Variants in ARIH1 observed in about 807,000 individuals in gnomAD.
ARIH1 encodes ariadne RBR E3 ubiquitin protein ligase 1.
In ARIH1, 8 loss-of-function variants were observed where a neutral mutation model predicts 85.0. The observed-to-expected ratio is 0.09, with a 90% CI of 0.06 to 0.17. The LOEUF is 0.17. Among genes scored for constraint, ARIH1 ranks in the 10% least tolerant of loss-of-function variants. The pLI, the probability that ARIH1 is intolerant of heterozygous loss-of-function variation, is 1.00. For missense variants in ARIH1, 311 were observed against 718.1 expected, an observed-to-expected ratio of 0.43 and a Z score of 6.48; for synonymous variants, 238 against 253.6, an observed-to-expected ratio of 0.94 and a Z score of 0.59.
At chr15:72,553,096 A>T (rs1218139134) in intron 3 of ARIH1, among the ~76,000 whole-genome samples, 1 of 152,166 alleles carries the variant, frequency 6.6e-6, no homozygotes, top group African/African-American at 2.4e-5. Flanking sequence ...ATTTTTCAAC[A>T]TAAACTCTGA....
chr15:72,518,464 A>G (rs1445175520), intron 2 of ARIH1, among the ~76,000 whole-genome samples: 1 of 152,140 alleles, frequency 6.6e-6, no homozygotes, highest in Non-Finnish European at 1.5e-5. Flanking sequence ...CTTGGAGTAC[A>G]TGAGTAAGAT....
chr15:72,566,513 C>G (rs371604970), intron 7 of ARIH1, 50 bp from the exon 8 acceptor site: 7 of 1,465,086 alleles, frequency 4.8e-6, no homozygotes, highest in Non-Finnish European at 5.7e-6. Context: ...TATTTACTTG[C>G]TTACAGTAGG....
chr15:72,578,355 T>A (rs1397066753), intron 11 of ARIH1, among the ~76,000 whole-genome samples: 3 of 152,180 alleles, frequency 2.0e-5, no homozygotes, highest in Admixed American at 2.0e-4. Flanking sequence ...TTCCATGATG[T>A]TCTGTGGGGG....
At chr15:72,478,680 T>A (rs1267064501) in intron 1 of ARIH1, among the ~76,000 whole-genome samples, 8 of 152,200 alleles carry the variant, frequency 5.3e-5, no homozygotes, top group Admixed American at 3.9e-4. Context: ...TAATGAAGTC[T>A]GAGGTGAAAC....
At chr15:72,488,838 A>G (rs773086680) in intron 1 of ARIH1, among the ~76,000 whole-genome samples, 4 of 152,236 alleles carry the variant, frequency 2.6e-5, no homozygotes, top group Non-Finnish European at 5.9e-5. Context: ...TTGAATTCCA[A>G]GAGGACAAGC....
chr15:72,488,332 C>G (rs1425750195), intron 1 of ARIH1, among the ~76,000 whole-genome samples: 1 of 152,186 alleles, frequency 6.6e-6, no homozygotes, highest in Non-Finnish European at 1.5e-5. Flanking sequence ...CCACCTCAGC[C>G]TCCCAAAGTG....
At chr15:72,510,516 G>C (rs1263322055) in intron 1 of ARIH1, among the ~76,000 whole-genome samples, 2 of 151,608 alleles carry the variant, frequency 1.3e-5, no homozygotes, top group Admixed American at 6.6e-5. Flanking sequence ...AGGCCGAGGC[G>C]GGTGGATCAC....
chr15:72,577,759 G>T (rs933933548), intron 11 of ARIH1, among the ~76,000 whole-genome samples: 1 of 152,078 alleles, frequency 6.6e-6, no homozygotes, highest in Non-Finnish European at 1.5e-5. Context: ...ATACAGGAGG[G>T]CTTGGTTTTG....
At chr15:72,571,162 T>C (rs1342048465) in intron 10 of ARIH1, among the ~76,000 whole-genome samples, 1 of 126,708 alleles carries the variant, frequency 7.9e-6, no homozygotes, top group African/African-American at 2.9e-5. Flanking sequence ...AAAAAAAGAA[T>C]CTTACACAGC....
intron 2 of ARIH1, among the ~76,000 whole-genome samples, chr15:72,525,449 A>C (rs1251206962): frequency 6.6e-6 from 1 of 152,204 alleles, no homozygotes. Context: ...GTTAATGTTG[A>C]AGCATCAGAA....
rs527663552 is a variant in ARIH1, at chr15:72,588,174, C to T, written c.*4882C>T. 1 of 152,230 alleles carries T rather than the reference C, an allele frequency of 6.6e-6. No homozygotes were observed. The highest frequency in any genetic ancestry group is 2.4e-5 in the African/African-American group (1 of 41,528). 9.4% of individuals were successfully genotyped at this position (152,230 alleles called of 1,614,324 possible). A position where few individuals can be genotyped will look rare whatever the true frequency, so the allele number is the denominator to read the frequency against. ...GTAAATATTTTAGAAATAGAGTACC[C>T]TGGAGTAGATGGGCTCTGAGAGGAG... On this transcript the variant is annotated 3_prime_UTR_variant, in exon 14 of 14. Transcript: ENST00000379887.
intron 3 of ARIH1, among the ~76,000 whole-genome samples, chr15:72,546,117 A>T (rs895548826): frequency 2.0e-5 from 3 of 152,136 alleles, no homozygotes; most frequent in African/African-American, 7.2e-5. Context: ...AGTGTACTAC[A>T]GCCTTCATCA....
intron 1 of ARIH1, among the ~76,000 whole-genome samples, chr15:72,486,314 C>G (rs1416817183): frequency 6.6e-6 from 1 of 152,136 alleles, no homozygotes; most frequent in East Asian, 1.9e-4. Flanking sequence ...GATGAAATCT[C>G]TCACCATCCC....
At chr15:72,545,850 T>C (rs2064126682) in intron 3 of ARIH1, among the ~76,000 whole-genome samples, 1 of 152,164 alleles carries the variant, frequency 6.6e-6, no homozygotes, top group Non-Finnish European at 1.5e-5. Flanking sequence ...TAGAATTTAC[T>C]GAACTGAGAT....
At chr15:72,536,678 T>C (rs990202834) in intron 2 of ARIH1, among the ~76,000 whole-genome samples, 5 of 152,192 alleles carry the variant, frequency 3.3e-5, no homozygotes, top group Non-Finnish European at 7.3e-5. Flanking sequence ...GAAAGAGTTA[T>C]CTTAACATCT....
Position 72,583,352 on chromosome 15 carries a change from A to C in ARIH1, c.*60A>C. Reference sequence around the variant, plus strand: ...TACCATCTAGAGTGCTCATGCAATTAAAACAAAACAAACACAAACAAGGAG... The same window carrying C: ...TACCATCTAGAGTGCTCATGCAATTCAAACAAAACAAACACAAACAAGGAG... On this transcript the variant is annotated 3_prime_UTR_variant, in exon 14 of 14. Transcript: ENST00000379887. 2 of 1,373,222 alleles carry C rather than the reference A, an allele frequency of 1.5e-6. No individual in the cohort carries two copies. Among genetic ancestry groups the C allele is most frequent in the Non-Finnish European group, 2.1e-6 (2 of 972,532 alleles). 85.1% of individuals were successfully genotyped at this position (1,373,222 alleles called of 1,614,324 possible). A position where few individuals can be genotyped will look rare whatever the true frequency, so the allele number is the denominator to read the frequency against.
chr15:72,584,923 A>T lies in ARIH1; in HGVS notation c.*1631A>T, dbSNP rs2064309674. 6.6e-6 allele frequency: 1 copy of T among 150,942 alleles called. No homozygotes were observed. The highest frequency in any genetic ancestry group is 2.1e-4 in the South Asian group (1 of 4,724). 9.4% of individuals were successfully genotyped at this position (150,942 alleles called of 1,614,324 possible). On this transcript the variant is annotated 3_prime_UTR_variant, in exon 14 of 14. Coordinates refer to ENST00000379887, the MANE Select transcript of ARIH1 (RefSeq NM_005744.5). ...TAGGCAACTAGATTAAGAGGTCTAAATATGAAATACCAGTTGAGGCTGAGG... is the reference window on the plus strand; with the variant it reads ...TAGGCAACTAGATTAAGAGGTCTAATTATGAAATACCAGTTGAGGCTGAGG...
chr15:72,583,241 G>C lies in ARIH1; in HGVS notation c.1623G>C (p.Gln541His), dbSNP rs1218251335. Residue 541 changes from glutamine (Q) to histidine (H), a missense_variant, in exon 14 of 14, where the codon CAG becomes CAC. By Grantham distance (24) the Gln-to-His change is conservative (BLOSUM62 0). Transcript: ENST00000379887. ...YCESRRRVLL[Q>H]HVHEGYEKDL... ...AGAGTCGACGAAGGGTTTTGTTACA[G>C]CATGTGCATGAAGGCTATGAAAAAG... 1.2e-6 allele frequency: 2 copies of C among 1,612,746 alleles called. No individual in the cohort carries two copies. Among genetic ancestry groups the C allele is most frequent in the South Asian group, 2.2e-5 (2 of 90,978 alleles).
intron 2 of ARIH1, among the ~76,000 whole-genome samples, chr15:72,529,758 C>G (rs2064047521): frequency 6.6e-6 from 1 of 152,002 alleles, no homozygotes; most frequent in Non-Finnish European, 1.5e-5. Context: ...GCTCAGAAAA[C>G]AAAACTAAGT....
Sources: gnomAD v4.1 joint callset for allele counts (sites outside exome capture counted in the v4.1 genomes callset) on GRCh38, gnomAD v4.1.1 for gene constraint, MANE v1.5 for transcripts, NCBI Gene and HGNC (gene_info 2026-07-23, HGNC 2026-07-21) for gene names.